PTPRD: variants seen among roughly 807,000 people sequenced by gnomAD.
The protein encoded by PTPRD is protein tyrosine phosphatase receptor type D.
A neutral mutation model predicts 214.5 loss-of-function variants in PTPRD; 34 were observed. The ratio of observed to expected loss-of-function variants is 0.16; its 90% confidence interval spans 0.12 to 0.21. The LOEUF is 0.21. Ranked by LOEUF, PTPRD falls within the 10% of genes least tolerant of loss-of-function variation. The pLI, the probability that PTPRD is intolerant of heterozygous loss-of-function variation, is 1.00. For missense variants in PTPRD, 2,545 were observed against 2,398.7 expected (o/e 1.06, Z -1.27); for synonymous variants, 1,128 against 845.7 (o/e 1.33, Z -5.79).
intron 3 of PTPRD, among the ~76,000 whole-genome samples, chr9:10,130,077 C>T (rs2154256722): frequency 6.6e-6 from 1 of 151,886 alleles, no homozygotes; most frequent in African/African-American, 2.4e-5. Context: ...AGGATGTTTA[C>T]AGACTTCAGA....
At chr9:10,412,313 G>C (rs917888322) in intron 2 of PTPRD, among the ~76,000 whole-genome samples, 2 of 151,594 alleles carry the variant, frequency 1.3e-5, no homozygotes, top group Admixed American at 6.6e-5. Context: ...AGAAAACCTA[G>C]AAAAGATGGA....
chr9:9,834,935 GT>G (rs566654954), intron 5 of PTPRD, among the ~76,000 whole-genome samples: 56 of 146,298 alleles, frequency 3.8e-4, no homozygotes, highest in Admixed American at 5.5e-4. Context: ...AGGTACTTTT[GT>G]TTTTTTTTTG....
intron 11 of PTPRD, among the ~76,000 whole-genome samples, chr9:8,744,941 C>A (rs562906464): frequency 1.3e-5 from 2 of 151,998 alleles, no homozygotes; most frequent in Non-Finnish European, 2.9e-5. Context: ...GACTATCAAA[C>A]CAAACAGAAA....
At chr9:9,190,970 C>T (rs2099934765) in intron 9 of PTPRD, among the ~76,000 whole-genome samples, 1 of 152,032 alleles carries the variant, frequency 6.6e-6, no homozygotes, top group African/African-American at 2.4e-5. Flanking sequence ...CATATAGCTT[C>T]AAAAATGGAT....
intron 6 of PTPRD, among the ~76,000 whole-genome samples, chr9:9,760,800 A>G (rs138851084): frequency 6.6e-6 from 1 of 152,196 alleles, no homozygotes; most frequent in Non-Finnish European, 1.5e-5. Context: ...AAGACGTTCA[A>G]CATCAATAGC....
intron 10 of PTPRD, among the ~76,000 whole-genome samples, chr9:9,094,564 G>C (rs2099780814): frequency 1.3e-5 from 2 of 152,026 alleles, no homozygotes. Flanking sequence ...ACTACATAGT[G>C]GGTACAGTGT....
At chr9:9,384,343 C>CTTTTTTTTTTTTTTTTTTTT (rs869246078) in intron 9 of PTPRD, among the ~76,000 whole-genome samples, 1 of 33,316 alleles carries the variant, frequency 3.0e-5, no homozygotes, top group Non-Finnish European at 7.0e-5. Context: ...GAAGACTAGG[C>CTTTTTTTTTTTTTTTTTTTT]TTTTTTTTTT....
At chr9:10,429,607 A>G (rs1210606634) in intron 2 of PTPRD, among the ~76,000 whole-genome samples, 1 of 151,932 alleles carries the variant, frequency 6.6e-6, no homozygotes, top group Non-Finnish European at 1.5e-5. Flanking sequence ...GTTCTCACTC[A>G]TAAGTGAGGG....
intron 39 of PTPRD, among the ~76,000 whole-genome samples, chr9:8,368,309 C>T (rs1428954812): frequency 6.6e-6 from 1 of 152,102 alleles, no homozygotes; most frequent in African/African-American, 2.4e-5. Flanking sequence ...GCACATCTGC[C>T]ACTCTTATCA....
At chr9:8,633,235 T>A (rs2154319817) in intron 14 of PTPRD, 82 bp downstream of exon 14, 3 of 1,504,344 alleles carry the variant, frequency 2.0e-6, no homozygotes, top group Non-Finnish European at 2.7e-6. Context: ...ACCATCACAA[T>A]GCTAGTCTTT....
intron 2 of PTPRD, among the ~76,000 whole-genome samples, chr9:10,581,834 G>T (rs2071952744): frequency 6.6e-6 from 1 of 152,110 alleles, no homozygotes; most frequent in South Asian, 2.1e-4. Context: ...TCCACAGACA[G>T]ATGCTTTAAA....
chr9:10,592,801 C>CTCCCTCCCTAA (rs1449228160), intron 2 of PTPRD, among the ~76,000 whole-genome samples: 1 of 151,888 alleles, frequency 6.6e-6, no homozygotes, highest in Non-Finnish European at 1.5e-5. Context: ...TAAAAGTAGC[C>CTCCCTCCCTAA]AATCGCAGGG....
intron 3 of PTPRD, among the ~76,000 whole-genome samples, chr9:10,061,911 C>T (rs915147663): frequency 6.6e-6 from 1 of 151,954 alleles, no homozygotes; most frequent in East Asian, 1.9e-4. Context: ...AGAAATGCAG[C>T]AAATTATTAG....
At chr9:8,486,399 A>G (rs2135987535) in intron 27 of PTPRD, 50 bp from the exon 28 acceptor site, 1 of 1,464,900 alleles carries the variant, frequency 6.8e-7, no homozygotes, top group Non-Finnish European at 9.6e-7. Context: ...GAACGTTCAC[A>G]TTTCAGTCAT....
At chr9:10,188,770 T>C (rs1391330215) in intron 3 of PTPRD, among the ~76,000 whole-genome samples, 2 of 152,204 alleles carry the variant, frequency 1.3e-5, no homozygotes, top group African/African-American at 4.8e-5. Flanking sequence ...GGTTGATTAA[T>C]TTGTATACTA....
At chr9:8,338,861 GA>G in intron 43 of PTPRD, 60 bp downstream of exon 43, 2 of 1,513,108 alleles carry the variant, frequency 1.3e-6, no homozygotes, top group African/African-American at 1.4e-5. Flanking sequence ...GAGAGAGAGA[GA>G]GAGGTATCTT....
intron 11 of PTPRD, among the ~76,000 whole-genome samples, chr9:8,953,575 G>A (rs1327536272): frequency 6.6e-6 from 1 of 152,002 alleles, no homozygotes; most frequent in Non-Finnish European, 1.5e-5. Flanking sequence ...CAGAGTGGGA[G>A]AAGATGTTCA....
intron 14 of PTPRD, among the ~76,000 whole-genome samples, chr9:8,595,502 C>A (rs1344540513): frequency 6.6e-6 from 1 of 152,076 alleles, no homozygotes; most frequent in Non-Finnish European, 1.5e-5. Context: ...AATGTACACA[C>A]ATGTAGACTT....
At chr9:9,214,772 G>A (rs1474753306) in intron 9 of PTPRD, among the ~76,000 whole-genome samples, 1 of 152,096 alleles carries the variant, frequency 6.6e-6, no homozygotes, top group East Asian at 1.9e-4. Context: ...TTTACATAGT[G>A]CCTACTGTGT....
Sources: gnomAD v4.1 joint callset for allele counts (sites outside exome capture counted in the v4.1 genomes callset) on GRCh38, gnomAD v4.1.1 for gene constraint, MANE v1.5 for transcripts, NCBI Gene and HGNC (gene_info 2026-07-23, HGNC 2026-07-21) for gene names.